The following SYNDIG1L variants were observed in gnomAD, a reference collection of about 807,000 sequenced individuals.
SYNDIG1L encodes the protein synapse differentiation-inducing gene protein 1-like.
A neutral mutation model predicts 20.1 loss-of-function variants in SYNDIG1L; 13 were observed. The ratio of observed to expected loss-of-function variants is 0.65; its 90% CI spans 0.42 to 1.03. SYNDIG1L has a LOEUF of 1.03. Among genes scored for constraint, SYNDIG1L ranks in the 50% least tolerant of loss-of-function variants. SYNDIG1L has a pLI of 0.00. For synonymous variants in SYNDIG1L, 128 were observed against 129.3 expected (o/e 0.99, Z 0.07); for missense variants, 294 against 305.1 (o/e 0.96, Z 0.27).
chr14:74,453,477 G>C, the SYNDIG1L span, among the ~76,000 whole-genome samples: 1 of 151,216 alleles, frequency 6.6e-6, no homozygotes, highest in African/African-American at 2.4e-5. Context: ...TTACAAAGGA[G>C]CATGAGGAAA....
chr14:74,420,069 AG>A (rs755475296), intron 1 of SYNDIG1L, among the ~76,000 whole-genome samples: 15 of 152,072 alleles, frequency 9.9e-5, no homozygotes, highest in Non-Finnish European at 1.5e-4. Flanking sequence ...GTGAGAATGG[AG>A]GCTAGGAGTC....
At chr14:74,439,809 G>T in the SYNDIG1L span, among the ~76,000 whole-genome samples, 3 of 150,864 alleles carry the variant, frequency 2.0e-5, no homozygotes, top group African/African-American at 7.3e-5. Context: ...AACCCAGGAG[G>T]CAGAGGTTGT....
the SYNDIG1L span, among the ~76,000 whole-genome samples, chr14:74,465,835 A>C: frequency 6.6e-6 from 1 of 152,180 alleles, no homozygotes; most frequent in African/African-American, 2.4e-5. Context: ...GGTTTTGGGA[A>C]TAATCAAAGC....
the SYNDIG1L span, among the ~76,000 whole-genome samples, chr14:74,432,176 T>TGAGA: frequency 7.0e-4 from 98 of 140,092 alleles, no homozygotes; most frequent in African/African-American, 2.4e-3. Context: ...TGTGTGTGTG[T>TGAGA]GTGTGAGAGA....
At chr14:74,412,546 C>T (rs1384504467) in intron 1 of SYNDIG1L, among the ~76,000 whole-genome samples, 1 of 152,204 alleles carries the variant, frequency 6.6e-6, no homozygotes, top group African/African-American at 2.4e-5. Context: ...AGGAACACCA[C>T]AGAAGTGAAG....
At chr14:74,479,889 G>A in the SYNDIG1L span, 2 of 1,004,846 alleles carry the variant, frequency 2.0e-6, no homozygotes, top group Non-Finnish European at 2.6e-6. Context: ...TGCCTTCCAT[G>A]GTTCTAGCAG....
chr14:74,468,907 C>T, the SYNDIG1L span, among the ~76,000 whole-genome samples: 1 of 152,200 alleles, frequency 6.6e-6, no homozygotes, highest in Admixed American at 6.5e-5. Flanking sequence ...AACCCTTCCC[C>T]AAATAACCTC....
At chr14:74,410,271 C>T (rs1340784635) in intron 1 of SYNDIG1L, among the ~76,000 whole-genome samples, 1 of 152,090 alleles carries the variant, frequency 6.6e-6, no homozygotes, top group Non-Finnish European at 1.5e-5. Context: ...CCAGGGAAGG[C>T]CTTAGAGCTG....
the SYNDIG1L span, among the ~76,000 whole-genome samples, chr14:74,464,658 G>A: frequency 1.2e-4 from 18 of 152,006 alleles, no homozygotes; most frequent in African/African-American, 3.4e-4. Flanking sequence ...TCTGGGCTTC[G>A]GTCCCTGCTC....
chr14:74,434,952 G>A, the SYNDIG1L span, among the ~76,000 whole-genome samples: 1 of 151,010 alleles, frequency 6.6e-6, no homozygotes, highest in African/African-American at 2.4e-5. Flanking sequence ...GCGTGGTGGT[G>A]GGTGCCTGTA....
the SYNDIG1L span, among the ~76,000 whole-genome samples, chr14:74,454,824 C>A: frequency 3.9e-5 from 6 of 152,294 alleles, no homozygotes; most frequent in South Asian, 1.2e-3. Context: ...CTGATCGATC[C>A]CCCACAGAAA....
At chr14:74,413,465 C>T (rs1191017731) in intron 1 of SYNDIG1L, among the ~76,000 whole-genome samples, 3 of 152,124 alleles carry the variant, frequency 2.0e-5, no homozygotes, top group Non-Finnish European at 4.4e-5. Context: ...ATTGCAGATT[C>T]GGTGAGAAAG....
chr14:74,412,566 C>T (rs553720178), intron 1 of SYNDIG1L, among the ~76,000 whole-genome samples: 1 of 152,212 alleles, frequency 6.6e-6, no homozygotes, highest in Non-Finnish European at 1.5e-5. Flanking sequence ...GTCTTGTTGT[C>T]CTCTGCCCCC....
the SYNDIG1L span, among the ~76,000 whole-genome samples, chr14:74,472,816 G>C: frequency 6.6e-6 from 1 of 152,168 alleles, no homozygotes; most frequent in East Asian, 1.9e-4. Context: ...CCTGTGGCTG[G>C]AGGAAGGAAG....
the SYNDIG1L span, among the ~76,000 whole-genome samples, chr14:74,458,441 G>A: frequency 0.43 from 64,334 of 150,858 alleles, 13,800 homozygotes; most frequent in Non-Finnish European, 0.45. Context: ...ACATGGTGAA[G>A]ACCCTGTGTC....
At chr14:74,453,993 C>CA in the SYNDIG1L span, among the ~76,000 whole-genome samples, 55 of 151,612 alleles carry the variant, frequency 3.6e-4, no homozygotes, top group Non-Finnish European at 7.2e-4. Context: ...ACAAAACAAA[C>CA]AAAAAAACTG....
In SYNDIG1L at chr14:74,423,355, C is replaced by G. The variant is rs530429023; in HGVS notation, c.-58+2557G>C. Among the ~76,000 whole-genome samples the G allele has an allele frequency of 5.1e-4, 78 of 152,328 alleles. No individual in the cohort carries two copies. In the Middle Eastern group the frequency reaches 0.014, roughly 27 times the overall value. ...AGTAGCAGGCCAGCTCCTCTGCAGA[C>G]CAGCCTTGCAGAAAAGAAAACACCT... On this transcript the variant is annotated intron_variant, in intron 1 of 3. Coordinates refer to ENST00000331628, the MANE Select transcript of SYNDIG1L (RefSeq NM_001105579.2).
chr14:74,409,987 G>A (rs2086118907), intron 1 of SYNDIG1L, among the ~76,000 whole-genome samples, 186 bp from the exon 2 acceptor site: 1 of 152,210 alleles, frequency 6.6e-6, no homozygotes, highest in Admixed American at 6.5e-5. Flanking sequence ...TGTGGCTTGG[G>A]ACTGGCAGTA....
chr14:74,467,390 T>G, the SYNDIG1L span, among the ~76,000 whole-genome samples: 1 of 151,986 alleles, frequency 6.6e-6, no homozygotes, highest in East Asian at 1.9e-4. Context: ...AATGTCCAAG[T>G]CAGTTGTGCT....
Sources: gnomAD v4.1 joint callset for allele counts (sites outside exome capture counted in the v4.1 genomes callset) on GRCh38, gnomAD v4.1.1 for gene constraint, MANE v1.5 for transcripts, NCBI Gene and HGNC (gene_info 2026-07-23, HGNC 2026-07-21) for gene names.